The following PPP1R42 variants were observed in gnomAD, a reference collection of about 807,000 sequenced individuals.
The protein encoded by PPP1R42 is leucine rich repeat containing 67.
PPP1R42 carries 34 observed loss-of-function variants against 31.0 expected under a neutral mutation model. The observed-to-expected ratio is 1.10, with a 90% confidence interval of 0.83 to 1.46. The LOEUF (loss-of-function observed/expected upper bound fraction) is 1.46, where lower values mean the gene tolerates loss of function less well. Ranked by LOEUF, PPP1R42 falls within the 40% of genes most tolerant of loss-of-function variation. PPP1R42 has a pLI of 0.00. For missense variants in PPP1R42, 268 were observed against 303.0 expected (o/e 0.88, Z 0.86); for synonymous variants, 103 against 109.8 (o/e 0.94, Z 0.39).
At chr8:66,981,750 A>C (rs932616636) in intron 7 of PPP1R42, among the ~76,000 whole-genome samples, 1 of 152,178 alleles carries the variant, frequency 6.6e-6, no homozygotes, top group Non-Finnish European at 1.5e-5. Context: ...GATATCATGC[A>C]CTTTTGCCAG....
chr8:66,997,390 C>T (rs1815363146), intron 5 of PPP1R42, among the ~76,000 whole-genome samples: 1 of 151,982 alleles, frequency 6.6e-6, no homozygotes, highest in Admixed American at 6.6e-5. Context: ...GTCTCAACCT[C>T]CTGGGCTTAT....
In PPP1R42 at chr8:66,995,674, G is replaced by C. The variant is rs192231669; in HGVS notation, c.553-7157C>G. On this transcript the variant is annotated intron_variant, in intron 5 of 7. Transcript: ENST00000685739. ...GGGATATGGTGATACACAATAACAA[G>C]GTTATATTGATCAAGTTTCCTCACC... 8.4e-3 allele frequency among the ~76,000 whole-genome samples: 1,284 copies of C among 152,144 alleles called. 8 individuals carry two copies. Among genetic ancestry groups the C allele is most frequent in the Non-Finnish European group, 0.014 (928 of 67,996 alleles).
At chr8:67,003,759 A>C (rs1815581854) in intron 5 of PPP1R42, among the ~76,000 whole-genome samples, 1 of 152,032 alleles carries the variant, frequency 6.6e-6, no homozygotes, top group African/African-American at 2.4e-5. Context: ...TCCTGGACAT[A>C]TGTTGAAACT....
chr8:67,019,657 C>G (rs1232996603), intron 1 of PPP1R42, among the ~76,000 whole-genome samples: 1 of 151,810 alleles, frequency 6.6e-6, no homozygotes, highest in Non-Finnish European at 1.5e-5. Context: ...CTTTGGGAAG[C>G]CGAGGCGGGC....
intron 1 of PPP1R42, among the ~76,000 whole-genome samples, chr8:67,018,827 T>TCCC (rs1816109490): frequency 1.4e-3 from 9 of 6,570 alleles, no homozygotes; most frequent in Non-Finnish European, 1.8e-3. Context: ...CCCCCCCCCT[T>TCCC]TTTTTTTTTT....
intron 1 of PPP1R42, among the ~76,000 whole-genome samples, chr8:67,025,919 C>G (rs1167765852): frequency 6.6e-6 from 1 of 150,884 alleles, no homozygotes; most frequent in African/African-American, 2.4e-5. Flanking sequence ...GCAGAGGAAT[C>G]GCTTGAACCT....
intron 2 of PPP1R42, among the ~76,000 whole-genome samples, chr8:67,015,597 AC>A (rs1023791202): frequency 4.0e-5 from 6 of 149,450 alleles, no homozygotes; most frequent in Non-Finnish European, 7.4e-5. Context: ...AACATCAATT[AC>A]TTTTTTTTTT....
chr8:67,021,625 A>C (rs762419110), intron 1 of PPP1R42, among the ~76,000 whole-genome samples: 1 of 152,142 alleles, frequency 6.6e-6, no homozygotes, highest in Non-Finnish European at 1.5e-5. Context: ...GGTCAGCTTA[A>C]AATATAAAAC....
At chr8:67,012,892 A>C in intron 4 of PPP1R42, 66 bp downstream of exon 4, 2 of 1,442,804 alleles carry the variant, frequency 1.4e-6, no homozygotes, top group Non-Finnish European at 1.9e-6. Flanking sequence ...CCTTCACCAC[A>C]TTCCTGTTTC....
intron 1 of PPP1R42, chr8:67,021,475 CTT>C (rs1158581697): frequency 6.6e-6 from 1 of 152,016 alleles, no homozygotes; most frequent in Non-Finnish European, 1.5e-5. Flanking sequence ...TTATTGTTGA[CTT>C]TTCAGACCAC....
intron 3 of PPP1R42, 151 bp downstream of exon 3, chr8:67,014,275 T>C (rs1005756239): frequency 2.3e-6 from 1 of 429,952 alleles, no homozygotes. Context: ...AATCATATGG[T>C]TTTTTTTCAT....
rs183619719 is a variant in PPP1R42, at chr8:66,970,277, C to T, written c.803-5943G>A. On this transcript the variant is annotated intron_variant, in intron 7 of 7. Transcript: ENST00000685739. ...TCCAAAGTAGCTGGGACTATAGGCACGCACCACCATGTCCAGCTAATTTTT... is the reference window on the plus strand; with the variant it reads ...TCCAAAGTAGCTGGGACTATAGGCATGCACCACCATGTCCAGCTAATTTTT... 7.9e-4 allele frequency among the ~76,000 whole-genome samples: 120 copies of T among 151,982 alleles called. 1 individual carries two copies. The highest frequency in any genetic ancestry group is 2.7e-3 in the African/African-American group (111 of 41,436).
chr8:67,000,588 G>T (rs1815455642), intron 5 of PPP1R42, among the ~76,000 whole-genome samples: 1 of 152,034 alleles, frequency 6.6e-6, no homozygotes, highest in Non-Finnish European at 1.5e-5. Flanking sequence ...CTCCTGAGTA[G>T]CTGGGACTAC....
At chr8:67,014,699 A>G in intron 2 of PPP1R42, 107 bp from the exon 3 acceptor site, 1 of 686,086 alleles carries the variant, frequency 1.5e-6, no homozygotes, top group Non-Finnish European at 2.4e-6. Context: ...CTCTAAGGTT[A>G]ATATAAAAGA....
At chr8:67,012,710 C>A (rs1815880935) in intron 4 of PPP1R42, among the ~76,000 whole-genome samples, 1 of 152,144 alleles carries the variant, frequency 6.6e-6, no homozygotes, top group Admixed American at 6.5e-5. Flanking sequence ...GTTAACATAC[C>A]TTTTCACATT....
chr8:66,977,326 C>T (rs1485108821), intron 7 of PPP1R42, among the ~76,000 whole-genome samples: 1 of 150,704 alleles, frequency 6.6e-6, no homozygotes. Context: ...AGCCATCGCG[C>T]CCACCCTTGC....
At chr8:66,980,119 A>G (rs78952873) in intron 7 of PPP1R42, among the ~76,000 whole-genome samples, 5,297 of 152,306 alleles carry the variant, frequency 0.035, 190 homozygotes, top group African/African-American at 0.079. Context: ...ACTATTTTAG[A>G]AGTTTCAGAT....
intron 1 of PPP1R42, among the ~76,000 whole-genome samples, chr8:67,022,223 C>T (rs1816242893): frequency 6.6e-6 from 1 of 152,172 alleles, no homozygotes; most frequent in African/African-American, 2.4e-5. Flanking sequence ...AATGATATCT[C>T]ACTACTGTGT....
intron 7 of PPP1R42, among the ~76,000 whole-genome samples, chr8:66,967,282 C>T (rs1034313468): frequency 1.3e-5 from 2 of 152,336 alleles, no homozygotes; most frequent in Non-Finnish European, 2.9e-5. Context: ...AGCCTAAAAA[C>T]ACTGTTGCTT....
Sources: gnomAD v4.1 joint callset for allele counts (sites outside exome capture counted in the v4.1 genomes callset) on GRCh38, gnomAD v4.1.1 for gene constraint, MANE v1.5 for transcripts, NCBI Gene and HGNC (gene_info 2026-07-23, HGNC 2026-07-21) for gene names.